Variants in DNAAF9 observed in about 807,000 individuals in gnomAD.
The protein encoded by DNAAF9 is shulin.
Under a neutral mutation model 167.0 loss-of-function variants are expected in DNAAF9, and 90 were observed. That is an observed-to-expected ratio of 0.54 (90% CI 0.45 to 0.64). The LOEUF is 0.64. Ranked by LOEUF, DNAAF9 falls within the 30% of genes least tolerant of loss-of-function variation. The pLI, the probability that DNAAF9 is intolerant of heterozygous loss-of-function variation, is 0.00. For synonymous variants in DNAAF9, 491 were observed against 508.8 expected, an observed-to-expected ratio of 0.96 and a Z score of 0.47; for missense variants, 1,315 against 1,442.2, an observed-to-expected ratio of 0.91 and a Z score of 1.43.
intron 27 of DNAAF9, among the ~76,000 whole-genome samples, chr20:3,285,404 C>T (rs1600706066): frequency 1.3e-5 from 2 of 151,954 alleles, no homozygotes; most frequent in South Asian, 4.2e-4. Flanking sequence ...AGGAACTGGG[C>T]GCGGTGGCTC....
At chr20:3,294,893 T>C (rs566295765) in intron 23 of DNAAF9, among the ~76,000 whole-genome samples, 6 of 151,776 alleles carry the variant, frequency 4.0e-5, no homozygotes, top group Non-Finnish European at 7.4e-5. Context: ...TGAGATGGAG[T>C]CTTGCTCTGT....
At chr20:3,344,590 T>TACACACACAC (rs4053351) in intron 8 of DNAAF9, among the ~76,000 whole-genome samples, 24 of 144,636 alleles carry the variant, frequency 1.7e-4, no homozygotes, top group Admixed American at 3.5e-4. Flanking sequence ...TACACACACA[T>TACACACACAC]ACACACACAC....
chr20:3,257,259 C>G (rs992537510), intron 33 of DNAAF9, among the ~76,000 whole-genome samples: 1 of 152,012 alleles, frequency 6.6e-6, no homozygotes, highest in African/African-American at 2.4e-5. Flanking sequence ...TACCTTAATT[C>G]CAGCACTTTG....
intron 6 of DNAAF9, among the ~76,000 whole-genome samples, chr20:3,365,177 G>A (rs2083414089): frequency 6.6e-6 from 1 of 151,990 alleles, no homozygotes; most frequent in Admixed American, 6.6e-5. Context: ...ATAATGTTAT[G>A]TTGCTCAGAC....
Position 3,298,385 on chromosome 20 carries a change from A to G in DNAAF9, c.1783-210T>C, listed in dbSNP as rs539070768. Among the ~76,000 whole-genome samples the G allele has an allele frequency of 2.6e-5, 4 of 152,304 alleles. No individual in the cohort carries two copies. The East Asian group carries it at 7.7e-4, about 29-fold the overall frequency. ...GAGACAGGGTCTTGCTCTGTCACCC[A>G]GGCTAGAGTGTGATGGCTCACTGCA... is the stretch of plus-strand genomic sequence containing the variant. On this transcript the variant is annotated intron_variant, in intron 21 of 36. Coordinates refer to ENST00000252032, the MANE Select transcript of DNAAF9 (RefSeq NM_001009984.3).
chr20:3,264,858 G>A (rs573167743), intron 30 of DNAAF9, among the ~76,000 whole-genome samples: 8 of 152,250 alleles, frequency 5.3e-5, no homozygotes, highest in African/African-American at 1.2e-4. Flanking sequence ...ATGAGCCACC[G>A]AGCCCGGCCA....
At chr20:3,257,582 C>G (rs761489794) in intron 33 of DNAAF9, among the ~76,000 whole-genome samples, 4 of 152,108 alleles carry the variant, frequency 2.6e-5, no homozygotes, top group African/African-American at 9.7e-5. Context: ...TTCACTCTGT[C>G]GCCCAGGCTG....
intron 1 of DNAAF9, among the ~76,000 whole-genome samples, chr20:3,396,053 CTT>C (rs776153307): frequency 9.2e-5 from 14 of 152,224 alleles, no homozygotes; most frequent in Non-Finnish European, 1.6e-4. Flanking sequence ...CACAAGCTCT[CTT>C]CTCTTGTCTG....
rs1396433881 is a variant in DNAAF9 at position 3,324,955 on chromosome 20, G to C, written c.1202C>G (p.Ala401Gly). 1 of 1,600,998 alleles carries C rather than the reference G, an allele frequency of 6.2e-7. No homozygotes were observed. Among genetic ancestry groups the C allele is most frequent in the East Asian group, 2.2e-5 (1 of 44,834 alleles). ...TAACCCAGATCCCAGAGTTTGCTCT[G>C]CTACCTCCTTGGCCTGTAAAATAAT... ...TSSLTKAKEV[A>G]EQTLGSGLDS... is the part of the protein sequence containing the mutation. The change falls in exon 14 of 37, where the codon GCA (alanine) becomes GGA (glycine). Residue 401 changes from alanine (A) to glycine (G), a missense_variant. Ala to Gly is a moderately conservative substitution (Grantham distance 60). Coordinates refer to ENST00000252032, the MANE Select transcript of DNAAF9 (RefSeq NM_001009984.3).
intron 1 of DNAAF9, among the ~76,000 whole-genome samples, chr20:3,396,811 T>C (rs2083914436): frequency 6.6e-6 from 1 of 152,078 alleles, no homozygotes; most frequent in Non-Finnish European, 1.5e-5. Flanking sequence ...TAAGGTCTAG[T>C]ACTTGATTAT....
chr20:3,304,355 G>T, intron 21 of DNAAF9, 85 bp downstream of exon 21: 2 of 750,478 alleles, frequency 2.7e-6, no homozygotes, highest in East Asian at 2.5e-5. Flanking sequence ...TGGTAGTGGA[G>T]GGGAGAAAGG....
intron 15 of DNAAF9, 25 bp from the exon 16 acceptor site, chr20:3,322,287 C>T (rs1372996262): frequency 1.2e-5 from 19 of 1,571,468 alleles, no homozygotes; most frequent in Non-Finnish European, 1.4e-5. Context: ...AGATGGAAGA[C>T]TATGTTAAAG....
chr20:3,343,790 A>G (rs2070133297), intron 8 of DNAAF9, 59 bp from the exon 9 acceptor site: 2 of 1,290,524 alleles, frequency 1.5e-6, no homozygotes, highest in Non-Finnish European at 2.2e-6. Flanking sequence ...CAGTCATAAA[A>G]CCCCTCACAT....
chr20:3,344,372 T>G (rs1449163397), intron 8 of DNAAF9, among the ~76,000 whole-genome samples: 1 of 151,676 alleles, frequency 6.6e-6, no homozygotes, highest in Non-Finnish European at 1.5e-5. Context: ...ATATTTACTG[T>G]TTTTTTTCTG....
chr20:3,399,762 TA>T (rs34527956), intron 1 of DNAAF9, among the ~76,000 whole-genome samples: 3,886 of 152,290 alleles, frequency 0.026, 65 homozygotes, highest in Non-Finnish European at 0.039. Context: ...AACCACCTGC[TA>T]AAAGACAGCA....
intron 7 of DNAAF9, among the ~76,000 whole-genome samples, chr20:3,350,835 CA>C (rs1358609196): frequency 3.9e-5 from 6 of 152,058 alleles, no homozygotes; most frequent in African/African-American, 1.2e-4. Flanking sequence ...GTAGTAATTA[CA>C]ATGGATATAA....
At chr20:3,404,009 C>T (rs543380264) in intron 1 of DNAAF9, among the ~76,000 whole-genome samples, 1 of 152,108 alleles carries the variant, frequency 6.6e-6, no homozygotes, top group Non-Finnish European at 1.5e-5. Context: ...TCCACATTAT[C>T]GAATCTAATT....
chr20:3,392,297 T>C (rs2083837827), intron 1 of DNAAF9, among the ~76,000 whole-genome samples: 1 of 152,340 alleles, frequency 6.6e-6, no homozygotes, highest in Non-Finnish European at 1.5e-5. Flanking sequence ...AGAAGACGCA[T>C]AGACTCAGCA....
At chr20:3,394,878 T>C (rs769991113) in intron 1 of DNAAF9, among the ~76,000 whole-genome samples, 3 of 151,640 alleles carry the variant, frequency 2.0e-5, no homozygotes, top group East Asian at 1.9e-4. Context: ...ATTACTTTTA[T>C]AGCTGATGAG....
Sources: gnomAD v4.1 joint callset for allele counts (sites outside exome capture counted in the v4.1 genomes callset) on GRCh38, gnomAD v4.1.1 for gene constraint, MANE v1.5 for transcripts, NCBI Gene and HGNC (gene_info 2026-07-23, HGNC 2026-07-21) for gene names.